The following SNX18 variants were observed in gnomAD, a reference collection of about 807,000 sequenced individuals.
SNX18 encodes the protein sorting nexin-18.
In SNX18, 35 loss-of-function variants were observed where a neutral mutation model predicts 48.7. That is an observed-to-expected ratio of 0.72 (90% CI 0.55 to 0.95). SNX18 has a LOEUF of 0.95. Ranked by LOEUF, SNX18 falls within the 40% of genes least tolerant of loss-of-function variation. The pLI is 0.00. For missense variants in SNX18, 824 were observed against 871.0 expected, an observed-to-expected ratio of 0.95 and a Z score of 0.68; for synonymous variants, 492 against 384.7, an observed-to-expected ratio of 1.28 and a Z score of -3.26.
rs115695445 is a variant in SNX18 at position 54,525,025 on chromosome 5, C to T, written c.1621+5452C>T. On this transcript the variant is annotated intron_variant, in intron 1 of 1. Transcript: ENST00000381410. Reference sequence around the variant, plus strand: ...CCAAGAAGCCGTGGGTGCAGAGCCTCATCGCAGTGGGAGCTGGCCTGTCGG... The same window carrying T: ...CCAAGAAGCCGTGGGTGCAGAGCCTTATCGCAGTGGGAGCTGGCCTGTCGG... Among the ~76,000 whole-genome samples the T allele has an allele frequency of 1.6e-3, 242 of 152,346 alleles. 1 individual carries two copies. The Middle Eastern group carries it at 0.017, about 11-fold the overall frequency.
intron 1 of SNX18, among the ~76,000 whole-genome samples, chr5:54,531,935 C>T (rs565611432): frequency 4.6e-5 from 7 of 152,302 alleles, no homozygotes; most frequent in Admixed American, 3.3e-4. Flanking sequence ...TACTTGAAAA[C>T]GAGAAATGCA....
rs1157853184 is a variant in SNX18, at chr5:54,519,046, G to T, written c.1094G>T (p.Ser365Ile). ...GLIWWMNHMA[S>I]HPVLAQCDVF... ...ATCTGGTGGATGAACCACATGGCCA[G>T]CCACCCAGTGCTGGCGCAGTGCGAC... The change falls in exon 1 of 2, where the codon AGC becomes ATC. Residue 365 changes from serine to isoleucine, a missense_variant. Transcript: ENST00000381410. 6.2e-7 allele frequency: 1 copy of T among 1,613,538 alleles called. No homozygotes were observed. The highest frequency in any genetic ancestry group is 2.2e-5 in the East Asian group (1 of 44,846).
the SNX18 span, among the ~76,000 whole-genome samples, chr5:54,581,404 A>C: frequency 1.3e-5 from 2 of 152,080 alleles, no homozygotes; most frequent in Non-Finnish European, 2.9e-5. Context: ...CTGGGGTTTT[A>C]GATTCCAGAA....
chr5:54,642,914 CAT>C, the SNX18 span, among the ~76,000 whole-genome samples: 18 of 152,244 alleles, frequency 1.2e-4, no homozygotes, highest in Middle Eastern at 3.4e-3. Flanking sequence ...GGTCTTGACA[CAT>C]GTGTACTGAA....
At chr5:54,552,262 A>G in the SNX18 span, among the ~76,000 whole-genome samples, 1 of 152,148 alleles carries the variant, frequency 6.6e-6, no homozygotes, top group Admixed American at 6.6e-5. Context: ...TTCTCCTTAA[A>G]CACATCTAGC....
the SNX18 span, among the ~76,000 whole-genome samples, chr5:54,584,764 A>G: frequency 5.3e-5 from 8 of 152,200 alleles, no homozygotes; most frequent in East Asian, 1.9e-4. Flanking sequence ...CTTGACCACC[A>G]GAAGAATGAG....
chr5:54,625,806 C>T, the SNX18 span, among the ~76,000 whole-genome samples: 9 of 152,090 alleles, frequency 5.9e-5, no homozygotes, highest in Admixed American at 2.0e-4. Flanking sequence ...ACCTGGCCAA[C>T]GAGACTTCAC....
chr5:54,585,564 G>A, the SNX18 span, among the ~76,000 whole-genome samples: 3 of 152,084 alleles, frequency 2.0e-5, no homozygotes, highest in Non-Finnish European at 4.4e-5. Flanking sequence ...GATGACCAGT[G>A]TGACTGATTT....
At chr5:54,646,261 G>T in the SNX18 span, among the ~76,000 whole-genome samples, 1 of 152,172 alleles carries the variant, frequency 6.6e-6, no homozygotes, top group Non-Finnish European at 1.5e-5. Context: ...CAAGAGATAT[G>T]GCTTTAATCT....
At chr5:54,598,146 C>T in the SNX18 span, among the ~76,000 whole-genome samples, 1 of 152,064 alleles carries the variant, frequency 6.6e-6, no homozygotes, top group Non-Finnish European at 1.5e-5. Flanking sequence ...GGATAAATTC[C>T]TAGACACATA....
chr5:54,638,663 T>C, the SNX18 span, among the ~76,000 whole-genome samples: 55 of 152,338 alleles, frequency 3.6e-4, no homozygotes, highest in African/African-American at 1.3e-3. Context: ...TAATATTTAT[T>C]GCATATGTAC....
the SNX18 span, among the ~76,000 whole-genome samples, chr5:54,577,239 G>GAAAT: frequency 6.6e-6 from 1 of 152,122 alleles, no homozygotes; most frequent in Non-Finnish European, 1.5e-5. Flanking sequence ...TACTATCAAT[G>GAAAT]AAATGGGAGA....
the SNX18 span, among the ~76,000 whole-genome samples, chr5:54,619,869 G>A: frequency 6.6e-6 from 1 of 152,088 alleles, no homozygotes. Flanking sequence ...GTTAGTGCTT[G>A]GTAAATCTAC....
chr5:54,560,756 C>A, the SNX18 span, among the ~76,000 whole-genome samples: 1 of 152,152 alleles, frequency 6.6e-6, no homozygotes. Flanking sequence ...GACTTATATT[C>A]CTATTTTGGC....
At chr5:54,634,911 T>C in the SNX18 span, among the ~76,000 whole-genome samples, 3 of 136,902 alleles carry the variant, frequency 2.2e-5, no homozygotes, top group African/African-American at 7.5e-5. Context: ...GGAAATTAAC[T>C]AACTGAATTT....
At chr5:54,604,382 C>T in the SNX18 span, among the ~76,000 whole-genome samples, 9 of 152,192 alleles carry the variant, frequency 5.9e-5, no homozygotes, top group African/African-American at 1.9e-4. Flanking sequence ...TACTGGCACA[C>T]GAATGGATAA....
the SNX18 span, among the ~76,000 whole-genome samples, chr5:54,556,438 A>G: frequency 6.6e-6 from 1 of 152,184 alleles, no homozygotes; most frequent in African/African-American, 2.4e-5. Context: ...GTCTCATGGA[A>G]TCTTTCCCAC....
the SNX18 span, among the ~76,000 whole-genome samples, chr5:54,589,080 T>G: frequency 6.6e-6 from 1 of 152,174 alleles, no homozygotes; most frequent in East Asian, 1.9e-4. Flanking sequence ...TTGAAACTAT[T>G]AAGACAAAAG....
At chr5:54,529,337 C>G (rs1052053811) in intron 1 of SNX18, among the ~76,000 whole-genome samples, 1 of 152,148 alleles carries the variant, frequency 6.6e-6, no homozygotes, top group Non-Finnish European at 1.5e-5. Flanking sequence ...CTGCAGACTA[C>G]AGCCCACGGG....
Sources: gnomAD v4.1 joint callset for allele counts (sites outside exome capture counted in the v4.1 genomes callset) on GRCh38, gnomAD v4.1.1 for gene constraint, MANE v1.5 for transcripts, NCBI Gene and HGNC (gene_info 2026-07-23, HGNC 2026-07-21) for gene names.